Variants in MRPL11 observed in about 807,000 individuals in gnomAD.
The protein encoded by MRPL11 is large ribosomal subunit protein uL11m.
In MRPL11, 21 loss-of-function variants were observed where a neutral mutation model predicts 19.1. The observed-to-expected ratio is 1.10, with a 90% CI of 0.78 to 1.58. The LOEUF is 1.58. MRPL11 is among the 40% of genes most tolerant of loss of function. The probability of loss-of-function intolerance (pLI) is 0.00; values close to 1 mark genes in which losing one functional copy is unlikely to be tolerated. For missense variants in MRPL11, 242 were observed against 243.9 expected (o/e 0.99, Z 0.05); for synonymous variants, 108 against 99.7 (o/e 1.08, Z -0.49).
chr11:66,437,070 C>T (rs1162373168), intron 4 of MRPL11, 34 bp downstream of exon 4: 2 of 1,607,442 alleles, frequency 1.2e-6, no homozygotes, highest in Non-Finnish European at 1.7e-6. Flanking sequence ...CTTTCTGGGC[C>T]CTCTCGTCAC....
Position 66,436,114 on chromosome 11 carries a change from T to A in MRPL11, c.474-2A>T. The A allele has an allele frequency of 6.2e-7, 1 of 1,613,010 alleles. No homozygotes were observed. Among genetic ancestry groups the A allele is most frequent in the Non-Finnish European group, 8.5e-7 (1 of 1,179,298 alleles). On this transcript the variant is annotated splice_acceptor_variant, in intron 4 of 4. Transcript: ENST00000310999. LOFTEE classifies it high-confidence loss of function. ...GCTGCAAGCTCTTCTGAACTGAGGC[T>A]GCAAGTGAAAAAAGACAAATGGTTG...
intron 4 of MRPL11, chr11:66,436,829 G>T (rs1411831111): frequency 6.2e-7 from 1 of 1,613,744 alleles, no homozygotes; most frequent in Non-Finnish European, 8.5e-7. Flanking sequence ...TAGGACGACA[G>T]ACCCAGGTCA....
At position 66,437,166 on chromosome 11, in the gene MRPL11, C is replaced by T. The variant is rs377478010; in HGVS notation, c.411G>A (p.Leu137=). The change falls in exon 4 of 5, where the codon CTG becomes CTA. Residue 137 remains leucine, a synonymous_variant. Coordinates refer to ENST00000310999, the MANE Select transcript of MRPL11 (RefSeq NM_016050.5). The part of the protein sequence containing the change: ...DEAFALQDVP[L]SSVVRSIIGS... ...CGATGATGGAGCGGACAACAGACGA[C>T]AGGGGTACATCCTGCAGGGCAAATG... is the stretch of plus-strand genomic sequence containing the variant. 6.2e-7 allele frequency: 1 copy of T among 1,614,232 alleles called. No homozygotes were observed. Among genetic ancestry groups the T allele is most frequent in the African/African-American group, 1.3e-5 (1 of 75,066 alleles).
chr11:66,438,793 A>G lies in MRPL11; in HGVS notation c.-39T>C. 1.4e-6 allele frequency: 2 copies of G among 1,457,500 alleles called. No individual in the cohort carries two copies. The highest frequency in any genetic ancestry group is 1.4e-5 in the South Asian group (1 of 71,680). 90.3% of individuals were successfully genotyped at this position (1,457,500 alleles called of 1,614,324 possible). ...TGGCTTCAGTTCACCTCAGGGGAGCAGCAAGAGCGAAGCTCTGGGCGCCAC... is the reference window on the plus strand; with the variant it reads ...TGGCTTCAGTTCACCTCAGGGGAGCGGCAAGAGCGAAGCTCTGGGCGCCAC... On this transcript the variant is annotated 5_prime_UTR_variant, in exon 1 of 5. Coordinates refer to ENST00000310999, the MANE Select transcript of MRPL11 (RefSeq NM_016050.5).
chr11:66,437,358 C>T lies in MRPL11; in HGVS notation c.305G>A (p.Arg102Gln), dbSNP rs752690974. The T allele has an allele frequency of 2.1e-5, 34 of 1,614,054 alleles. No individual in the cohort carries two copies. The highest frequency in any genetic ancestry group is 2.5e-5 in the Non-Finnish European group (30 of 1,180,038). ...KAAAGIEKGA[R>Q]QTGKEVAGLV... ...CTTACCCTGGCCCTCACCTGTTTGC[C>T]GGGCCCCCTTTTCAATCCCAGCTGC... Residue 102 changes from arginine (R) to glutamine (Q), a missense_variant, in exon 3 of 5, where the codon CGG becomes CAG. By Grantham distance (43) the Arg-to-Gln change is conservative. Coordinates refer to ENST00000310999, the MANE Select transcript of MRPL11 (RefSeq NM_016050.5).
In MRPL11 at chr11:66,438,272, C is replaced by A. The variant is rs1369509967; in HGVS notation, c.124-13G>T. The A allele has an allele frequency of 1.2e-6, 2 of 1,600,850 alleles. No individual in the cohort carries two copies. On this transcript the variant is annotated splice_polypyrimidine_tract_variant and intron_variant, in intron 1 of 4. Transcript: ENST00000310999. ...TGGAAACGCCTCTCTGTGAGGGAAG[C>A]AGAGGGGGTTAGTGGTGAGAGGAGG...
At chr11:66,437,980 A>G (rs967571204) in intron 2 of MRPL11, among the ~76,000 whole-genome samples, 184 bp downstream of exon 2, 1 of 152,158 alleles carries the variant, frequency 6.6e-6, no homozygotes, top group Non-Finnish European at 1.5e-5. Flanking sequence ...GGGCAAAGGG[A>G]GGAACTGCAA....
intron 2 of MRPL11, among the ~76,000 whole-genome samples, 179 bp downstream of exon 2, chr11:66,437,985 C>T (rs981196213): frequency 6.6e-6 from 1 of 152,176 alleles, no homozygotes; most frequent in African/African-American, 2.4e-5. Flanking sequence ...AAGGGAGGAA[C>T]TGCAACATGG....
chr11:66,435,803 T>C lies in MRPL11; in HGVS notation c.*204A>G. 1 of 547,520 alleles carries C rather than the reference T, an allele frequency of 1.8e-6. No homozygotes were observed. The highest frequency in any genetic ancestry group is 3.3e-6 in the Non-Finnish European group (1 of 301,920). The allele number at this position is 547,520 out of a possible 1,614,324, so 33.9% of individuals were successfully genotyped here. A position where few individuals can be genotyped will look rare whatever the true frequency, so the allele number is the denominator to read the frequency against. On this transcript the variant is annotated 3_prime_UTR_variant, in exon 5 of 5. Coordinates refer to ENST00000310999, the MANE Select transcript of MRPL11 (RefSeq NM_016050.5). Reference sequence around the variant, plus strand: ...TTGGCTACCACCAGTACTGGTTCCCTTCCCTGAGGTCCCAAGATAGAAGAT... The same window carrying C: ...TTGGCTACCACCAGTACTGGTTCCCCTCCCTGAGGTCCCAAGATAGAAGAT...
Position 66,435,834 on chromosome 11 carries a change from T to G in MRPL11, c.*173A>C. 2 of 580,102 alleles carry G rather than the reference T, an allele frequency of 3.4e-6. No individual in the cohort carries two copies. The highest frequency in any genetic ancestry group is 1.9e-5 in the African/African-American group (1 of 53,716). The allele number at this position is 580,102 out of a possible 1,614,324, so 35.9% of individuals were successfully genotyped here. A position where few individuals can be genotyped will look rare whatever the true frequency, so the allele number is the denominator to read the frequency against. ...GAGGTCCCAAGATAGAAGATGACAG[T>G]GGGTAAGAAAGGATGTTTATTCAGG... On this transcript the variant is annotated 3_prime_UTR_variant, in exon 5 of 5. Transcript: ENST00000310999.
At chr11:66,437,562 C>G in intron 2 of MRPL11, 119 bp from the exon 3 acceptor site, 2 of 873,032 alleles carry the variant, frequency 2.3e-6, no homozygotes, top group Admixed American at 4.7e-5. Flanking sequence ...TCAAAAAGAC[C>G]ACAGAATCAC....
chr11:66,436,530 G>A (rs1856974832), intron 4 of MRPL11, among the ~76,000 whole-genome samples: 1 of 152,046 alleles, frequency 6.6e-6, no homozygotes, highest in Non-Finnish European at 1.5e-5. Context: ...GTCTGTGTCT[G>A]CTCCATGCTT....
At chr11:66,437,500 C>T (rs564751720) in intron 2 of MRPL11, 57 bp from the exon 3 acceptor site, 1 of 1,498,234 alleles carries the variant, frequency 6.7e-7, no homozygotes, top group African/African-American at 1.4e-5. Context: ...TCCCAGGGAA[C>T]TTCTAATGTC....
At chr11:66,437,518 C>G in intron 2 of MRPL11, 75 bp from the exon 3 acceptor site, 1 of 1,329,834 alleles carries the variant, frequency 7.5e-7, no homozygotes, top group Non-Finnish European at 1.1e-6. Flanking sequence ...GTCTTGCCCC[C>G]TGCTTCCTTC....
Position 66,438,782 on chromosome 11 carries a change from C to T in MRPL11, c.-28G>A, listed in dbSNP as rs1462287641. 6 of 1,490,762 alleles carry T rather than the reference C, an allele frequency of 4.0e-6. No homozygotes were observed. The highest frequency in any genetic ancestry group is 1.4e-5 in the African/African-American group (1 of 69,852). 92.3% of individuals were successfully genotyped at this position (1,490,762 alleles called of 1,614,324 possible). On this transcript the variant is annotated 5_prime_UTR_variant, in exon 1 of 5. Transcript: ENST00000310999. Reference sequence around the variant, plus strand: ...TGCGGGGCTGCTGGCTTCAGTTCACCTCAGGGGAGCAGCAAGAGCGAAGCT... The same window carrying T: ...TGCGGGGCTGCTGGCTTCAGTTCACTTCAGGGGAGCAGCAAGAGCGAAGCT...
chr11:66,437,746 C>A (rs1409783841), intron 2 of MRPL11, among the ~76,000 whole-genome samples: 1 of 152,060 alleles, frequency 6.6e-6, no homozygotes, highest in East Asian at 1.9e-4. Context: ...TGGTGGCGGG[C>A]GCCTGTAATC....
Position 66,437,125 on chromosome 11 carries a change from A to G in MRPL11, c.452T>C (p.Leu151Pro), listed in dbSNP as rs1856989055. The G allele has an allele frequency of 1.9e-6, 3 of 1,614,068 alleles. No homozygotes were observed. The highest frequency in any genetic ancestry group is 2.5e-6 in the Non-Finnish European group (3 of 1,180,044). ...TTACTCCTTCACCACGCGAATGCCCAGAGAACGGGCAGACCCGATGATGGA... is the reference window on the plus strand; with the variant it reads ...TTACTCCTTCACCACGCGAATGCCCGGAGAACGGGCAGACCCGATGATGGA... Reference protein sequence around the residue: ...VRSIIGSARSLGIRVVKDLSS... With the variant: ...VRSIIGSARSPGIRVVKDLSS... Residue 151 changes from leucine to proline, a missense_variant, in exon 4 of 5, where the codon CTG (leucine) becomes CCG (proline). Physicochemically the swap from Leu to Pro is moderately conservative, Grantham distance 98. Transcript: ENST00000310999.
In MRPL11 at chr11:66,438,242, G is replaced by A. The variant is rs1857027868; in HGVS notation, c.141C>T (p.Asn47=). 6.2e-7 allele frequency: 1 copy of A among 1,613,866 alleles called. No homozygotes were observed. The highest frequency in any genetic ancestry group is 2.2e-5 in the East Asian group (1 of 44,874). ...PVLGQRGVSI[N]QFCKEFNERT... Reference sequence around the variant, plus strand: ...TCTCATTGAACTCCTTGCAAAACTGGTTGATGGAAACGCCTCTCTGTGAGG... The same window carrying A: ...TCTCATTGAACTCCTTGCAAAACTGATTGATGGAAACGCCTCTCTGTGAGG... Residue 47 remains asparagine, a synonymous_variant, in exon 2 of 5, where the codon AAC becomes AAT. Transcript: ENST00000310999.
At chr11:66,436,899 CA>C in intron 4 of MRPL11, 1 of 1,613,996 alleles carries the variant, frequency 6.2e-7, no homozygotes, top group Non-Finnish European at 8.5e-7. Context: ...AGAACATTTG[CA>C]GAACAACGTC....
Sources: allele counts gnomAD v4.1 joint callset (sites outside exome capture counted in the v4.1 genomes callset), GRCh38; gene constraint gnomAD v4.1.1; transcripts MANE v1.5; gene names NCBI Gene and HGNC (gene_info 2026-07-23, HGNC 2026-07-21).